Variants in KCNN2 observed in about 807,000 individuals in gnomAD.
KCNN2 encodes the protein potassium calcium-activated channel subfamily N member 2.
A neutral mutation model predicts 55.5 loss-of-function variants in KCNN2; 24 were observed. The observed-to-expected ratio is 0.43, with a 90% CI of 0.31 to 0.61. The LOEUF is 0.61. Among genes scored for constraint, KCNN2 ranks in the 20% least tolerant of loss-of-function variants. The pLI is 0.08. For missense variants in KCNN2, 754 were observed against 853.6 expected, an observed-to-expected ratio of 0.88 and a Z score of 1.45; for synonymous variants, 431 against 336.1, an observed-to-expected ratio of 1.28 and a Z score of -3.09.
At position 114,382,955 on chromosome 5, in the gene KCNN2, G is replaced by A. The variant is rs184671955; in HGVS notation, c.1218+18954G>A. On this transcript the variant is annotated intron_variant, in intron 2 of 7. Coordinates refer to ENST00000673685, the MANE Select transcript of KCNN2 (RefSeq NM_021614.4). ...TGAACTTTTTATCAATGTGTGAACC[G>A]TCCTGAGTATAGCAGATGAAGTTAA... 5.3e-5 allele frequency among the ~76,000 whole-genome samples: 8 copies of A among 152,282 alleles called. No homozygotes were observed. The East Asian group carries it at 7.7e-4, about 15-fold the overall frequency.
chr5:114,176,071 T>A (rs568191293), intron 1 of KCNN2, among the ~76,000 whole-genome samples: 24 of 152,354 alleles, frequency 1.6e-4, no homozygotes, highest in Middle Eastern at 3.4e-3. Flanking sequence ...TCTTTGCTAC[T>A]GTAGACCAGT....
chr5:114,342,686 G>A (rs1477502954), intron 2 of KCNN2, among the ~76,000 whole-genome samples: 1 of 152,168 alleles, frequency 6.6e-6, no homozygotes, highest in African/African-American at 2.4e-5. Flanking sequence ...CTTCTTAAAT[G>A]TCATATTATA....
At position 114,478,779 on chromosome 5, in the gene KCNN2, T is replaced by C. The variant is rs2150129657; in HGVS notation, c.1890+5615T>C. On this transcript the variant is annotated intron_variant, in intron 5 of 7. Coordinates refer to ENST00000673685, the MANE Select transcript of KCNN2 (RefSeq NM_021614.4). ...CTTAAAGAATTTCCAACCTAGAATT[T>C]CGTTATCTGGCCAAACTAAGCTTCG... 2.0e-5 allele frequency among the ~76,000 whole-genome samples: 3 copies of C among 152,302 alleles called. No individual in the cohort carries two copies. In the Middle Eastern group the frequency reaches 0.01, roughly 518 times the overall value.
intron 2 of KCNN2, among the ~76,000 whole-genome samples, chr5:114,223,700 C>G (rs959877087): frequency 6.6e-6 from 1 of 152,054 alleles, no homozygotes; most frequent in Non-Finnish European, 1.5e-5. Flanking sequence ...ATCTATAAGG[C>G]TGGGGAATAA....
At chr5:114,390,430 CTT>C (rs1446605335) in intron 2 of KCNN2, among the ~76,000 whole-genome samples, 1 of 152,108 alleles carries the variant, frequency 6.6e-6, no homozygotes, top group East Asian at 1.9e-4. Flanking sequence ...TGATGTCAGT[CTT>C]TGTGTTCATC....
chr5:114,092,928 A>T (rs1422254282), intron 1 of KCNN2, among the ~76,000 whole-genome samples: 1 of 151,914 alleles, frequency 6.6e-6, no homozygotes, highest in Non-Finnish European at 1.5e-5. Flanking sequence ...TGCCGTGAAG[A>T]CCTCTGACAT....
intron 2 of KCNN2, among the ~76,000 whole-genome samples, chr5:114,269,401 A>G (rs971126240): frequency 6.6e-6 from 1 of 152,078 alleles, no homozygotes; most frequent in African/African-American, 2.4e-5. Flanking sequence ...CTTTCCTGAA[A>G]TGAACATAGG....
At chr5:114,370,639 G>T (rs1007495541) in intron 2 of KCNN2, among the ~76,000 whole-genome samples, 1 of 152,140 alleles carries the variant, frequency 6.6e-6, no homozygotes. Context: ...GCCAGAGTCT[G>T]GGAACTACCT....
intron 3 of KCNN2, among the ~76,000 whole-genome samples, chr5:114,459,633 T>C (rs971436127): frequency 6.6e-6 from 1 of 152,210 alleles, no homozygotes; most frequent in African/African-American, 2.4e-5. Flanking sequence ...TTCACAATCA[T>C]GTATGTCTGA....
At chr5:114,342,698 G>A (rs549710697) in intron 2 of KCNN2, among the ~76,000 whole-genome samples, 28 of 152,222 alleles carry the variant, frequency 1.8e-4, no homozygotes, top group African/African-American at 6.7e-4. Context: ...CATATTATAA[G>A]TATATTCTTT....
Position 114,349,966 on chromosome 5 carries a change from T to C in KCNN2, c.-184-10979T>C, listed in dbSNP as rs541075112. Reference sequence around the variant, plus strand: ...ATCCTAGTGGGTGTGAAGTATCAAATTGTGGTTTCGATTTGCATTTCTTTA... The same window carrying C: ...ATCCTAGTGGGTGTGAAGTATCAAACTGTGGTTTCGATTTGCATTTCTTTA... On this transcript the variant is annotated intron_variant, in intron 2 of 10. Coordinates refer to the KCNN2 transcript ENST00000512097. Among the ~76,000 whole-genome samples the C allele has an allele frequency of 6.6e-5, 10 of 152,144 alleles. No individual in the cohort carries two copies. The East Asian group carries it at 1.3e-3, about 21-fold the overall frequency.
chr5:114,275,718 C>T (rs1465079900), intron 2 of KCNN2, among the ~76,000 whole-genome samples: 1 of 152,004 alleles, frequency 6.6e-6, no homozygotes, highest in Non-Finnish European at 1.5e-5. Context: ...TTTGAGTCTT[C>T]TCTTTTTCTT....
chr5:114,381,685 T>C (rs950420333), intron 2 of KCNN2, among the ~76,000 whole-genome samples: 2 of 152,220 alleles, frequency 1.3e-5, no homozygotes, highest in African/African-American at 4.8e-5. Context: ...TGTGAAGCCT[T>C]CTCATTATTT....
intron 1 of KCNN2, among the ~76,000 whole-genome samples, chr5:114,162,373 A>G (rs1471002004): frequency 6.6e-6 from 1 of 152,154 alleles, no homozygotes; most frequent in Non-Finnish European, 1.5e-5. Context: ...GTTTTGTCTC[A>G]GAGGAGTACC....
chr5:114,147,870 G>T (rs1199307409), intron 1 of KCNN2, among the ~76,000 whole-genome samples: 1 of 152,156 alleles, frequency 6.6e-6, no homozygotes, highest in Non-Finnish European at 1.5e-5. Context: ...AAAAGGAGTG[G>T]CTTGTTGAAT....
At chr5:114,235,653 G>C (rs1754476300) in intron 2 of KCNN2, among the ~76,000 whole-genome samples, 1 of 152,174 alleles carries the variant, frequency 6.6e-6, no homozygotes, top group Non-Finnish European at 1.5e-5. Context: ...AAGGAGATAG[G>C]AGTGAGGCTA....
At chr5:114,120,290 T>C (rs1001018284) in intron 1 of KCNN2, among the ~76,000 whole-genome samples, 12 of 152,308 alleles carry the variant, frequency 7.9e-5, no homozygotes, top group African/African-American at 2.9e-4. Context: ...TAGTCCTGGT[T>C]GTCTCCTATT....
intron 3 of KCNN2, among the ~76,000 whole-genome samples, chr5:114,459,957 G>T (rs575873298): frequency 2.0e-5 from 3 of 152,130 alleles, no homozygotes; most frequent in Non-Finnish European, 2.9e-5. Context: ...AAAGGTAAGC[G>T]TCTAATGAGT....
At chr5:114,159,488 G>C (rs975182833) in intron 1 of KCNN2, among the ~76,000 whole-genome samples, 2 of 152,104 alleles carry the variant, frequency 1.3e-5, no homozygotes, top group Admixed American at 6.5e-5. Flanking sequence ...TCTGTGCCAG[G>C]CTTTGGTATC....
Sources: allele counts gnomAD v4.1 joint callset (sites outside exome capture counted in the v4.1 genomes callset), GRCh38; gene constraint gnomAD v4.1.1; transcripts MANE v1.5; gene names NCBI Gene and HGNC (gene_info 2026-07-23, HGNC 2026-07-21).